Variants in SLITRK3 observed in about 807,000 individuals in gnomAD.
The protein encoded by SLITRK3 is SLIT and NTRK-like protein 3.
A neutral mutation model predicts 63.6 loss-of-function variants in SLITRK3; 16 were observed. The ratio of observed to expected loss-of-function variants is 0.25; its 90% CI spans 0.17 to 0.38. The LOEUF (loss-of-function observed/expected upper bound fraction) is 0.38. SLITRK3 is among the 10% of genes least tolerant of loss of function. The pLI, the probability that SLITRK3 is intolerant of heterozygous loss-of-function variation, is 1.00. For missense variants in SLITRK3, 1,117 were observed against 1,181.4 expected (o/e 0.95, Z 0.80); for synonymous variants, 547 against 451.6 (o/e 1.21, Z -2.68).
rs1339851449 is a variant in SLITRK3 at position 165,190,200 on chromosome 3, G to T, written c.631C>A (p.Leu211Ile). The T allele has an allele frequency of 6.2e-7, 1 of 1,614,036 alleles. No homozygotes were observed. Among genetic ancestry groups the T allele is most frequent in the African/African-American group, 1.3e-5 (1 of 74,902 alleles). Reference sequence around the variant, plus strand: ...TGATCTAGCATTCCTCGGTAAAAAAGAACCTTTAACCTATTTCCACGTAGG... The same window carrying T: ...TGATCTAGCATTCCTCGGTAAAAAATAACCTTTAACCTATTTCCACGTAGG... ...LDLRGNRLKV[L>I]FYRGMLDHIG... Residue 211 changes from leucine to isoleucine, a missense_variant, in exon 2 of 2, where the codon CTT (leucine) becomes ATT (isoleucine). Leu to Ile is a conservative substitution (Grantham distance 5, BLOSUM62 2). Transcript: ENST00000475390.
At chr3:165,193,881 T>C (rs1235766912) in intron 1 of SLITRK3, among the ~76,000 whole-genome samples, 1 of 151,372 alleles carries the variant, frequency 6.6e-6, no homozygotes, top group African/African-American at 2.4e-5. Context: ...TCCTAGGGAG[T>C]AGTGGGAGTG....
chr3:165,190,801 G>C lies in SLITRK3; in HGVS notation c.30C>G (p.His10Gln), dbSNP rs373474881. ...GAATTATCCACAACATCCTTCCTCTGTGAAGCATCTCAGCTATGGAAGGTT... is the reference window on the plus strand; with the variant it reads ...GAATTATCCACAACATCCTTCCTCTCTGAAGCATCTCAGCTATGGAAGGTT... MKPSIAEML[H>Q]RGRMLWIILL... Residue 10 changes from histidine (H) to glutamine (Q), a missense_variant, in exon 2 of 2, where the codon CAC (histidine) becomes CAG (glutamine). Transcript: ENST00000475390. 1 of 1,602,650 alleles carries C rather than the reference G, an allele frequency of 6.2e-7. No homozygotes were observed. Among genetic ancestry groups the C allele is most frequent in the South Asian group, 1.1e-5 (1 of 89,720 alleles).
In SLITRK3 at chr3:165,188,963, G is replaced by A. The variant is rs564636566; in HGVS notation, c.1868C>T (p.Ser623Phe). The change falls in exon 2 of 2, where the codon TCC (serine) becomes TTC (phenylalanine). Residue 623 changes from serine to phenylalanine, a missense_variant. By Grantham distance (155) the Ser-to-Phe change is radical. Coordinates refer to ENST00000475390, the MANE Select transcript of SLITRK3 (RefSeq NM_001318810.2). ...GTGAGAATCTCCAGGCTGGGCTGGG[G>A]ATTCTCCAGCTGGTGCAACGTGCAG... ...EMLHVAPAGESPAQPGDSHLI... is the reference protein window; with the variant it reads ...EMLHVAPAGEFPAQPGDSHLI... 3.1e-6 allele frequency: 5 copies of A among 1,614,148 alleles called. No homozygotes were observed. The African/African-American group carries it at 6.7e-5, about 22-fold the overall frequency.
Position 165,190,056 on chromosome 3 carries a change from T to C in SLITRK3, c.775A>G (p.Ile259Val), listed in dbSNP as rs772020986. 1.2e-6 allele frequency: 2 copies of C among 1,613,980 alleles called. No homozygotes were observed. Among genetic ancestry groups the C allele is most frequent in the Non-Finnish European group, 1.7e-6 (2 of 1,180,022 alleles). Residue 259 changes from isoleucine to valine, a missense_variant, in exon 2 of 2, where the codon ATT becomes GTT. Ile to Val is a conservative substitution (Grantham distance 29). Around this residue, in one of 4 missense-constraint regions of SLITRK3, gnomAD observed 452 missense variants for 495.3 expected, o/e 0.91. Transcript: ENST00000475390. ...AAGTGGAAAGGGGTCTCACAGGTAA[T>C]GTCTCCCACCAGGGCAGTATAAGGA... is the stretch of plus-strand genomic sequence containing the variant. ...RIPYTALVGD[I>V]TCETPFHFHG... is the part of the protein sequence containing the mutation.
In SLITRK3 at chr3:165,187,722, G is replaced by A. The variant is rs965997915; in HGVS notation, c.*175C>T. Reference sequence around the variant, plus strand: ...CCTTCCTCCAAATCGCATCTGAGAGGGGAGAGCATACATCTGTATTCTCTA... The same window carrying A: ...CCTTCCTCCAAATCGCATCTGAGAGAGGAGAGCATACATCTGTATTCTCTA... On this transcript the variant is annotated 3_prime_UTR_variant, in exon 2 of 2. Coordinates refer to ENST00000475390, the MANE Select transcript of SLITRK3 (RefSeq NM_001318810.2). The A allele has an allele frequency of 5.8e-6, 3 of 518,594 alleles. No individual in the cohort carries two copies. The highest frequency in any genetic ancestry group is 6.6e-5 in the Admixed American group (2 of 30,166). 32.1% of individuals were successfully genotyped at this position (518,594 alleles called of 1,614,324 possible). A position where few individuals can be genotyped will look rare whatever the true frequency, so the allele number is the denominator to read the frequency against.
rs1718022328 is a variant in SLITRK3, at chr3:165,188,026, A to G, written c.2805T>C (p.Leu935=). ...LQQDARLKET[L]LFSAGKGFTD... ...TGAAGCCCTTTCCAGCCGAGAAGAG[A>G]AGGGTTTCTTTGAGCCTGGCATCCT... The change falls in exon 2 of 2, where the codon CTT becomes CTC. Residue 935 remains leucine (L), a synonymous_variant. Transcript: ENST00000475390. 6.2e-7 allele frequency: 1 copy of G among 1,613,552 alleles called. No individual in the cohort carries two copies. The highest frequency in any genetic ancestry group is 1.1e-5 in the South Asian group (1 of 91,024).
At chr3:165,191,396 A>T (rs1718220357) in intron 1 of SLITRK3, among the ~76,000 whole-genome samples, 1 of 152,252 alleles carries the variant, frequency 6.6e-6, no homozygotes, top group Non-Finnish European at 1.5e-5. Context: ...GCTCAATATC[A>T]GATGTTGAGA....
Position 165,188,319 on chromosome 3 carries a change from G to A in SLITRK3, c.2512C>T (p.Pro838Ser). ...NTIVTVNHHH[P>S]HHPAVGGVSG... ...ACCCCACCAACTGCTGGGTGGTGAG[G>A]GTGATGGTGATTCACCGTCACTATG... is the stretch of plus-strand genomic sequence containing the variant. Residue 838 changes from proline (P) to serine (S), a missense_variant, in exon 2 of 2, where the codon CCT (proline) becomes TCT (serine). Pro to Ser is a moderately conservative substitution (Grantham distance 74). Around this residue, in one of 4 missense-constraint regions of SLITRK3, gnomAD observed 499 missense variants for 463.6 expected, o/e 1.08. Transcript: ENST00000475390. 6.2e-7 allele frequency: 1 copy of A among 1,613,980 alleles called. No homozygotes were observed. The highest frequency in any genetic ancestry group is 2.2e-5 in the East Asian group (1 of 44,846).
At position 165,187,252 on chromosome 3, in the gene SLITRK3, G is replaced by GTGTGTT. The variant is rs756982536; in HGVS notation, c.*644_*645insAACACA. 2 of 148,098 alleles carry GTGTGTT rather than the reference G, an allele frequency of 1.4e-5. No individual in the cohort carries two copies. The highest frequency in any genetic ancestry group is 2.6e-5 in the African/African-American group (1 of 38,886). The allele number at this position is 148,098 out of a possible 1,614,324, so 9.2% of individuals were successfully genotyped here. On this transcript the variant is annotated 3_prime_UTR_variant, in exon 2 of 2. Transcript: ENST00000475390. ...TGTGTGTGTGTGTGTGTGTGTGTGT[G>GTGTGTT]TACCTGCACCAGCAGGAAGAAACTG...
At position 165,188,847 on chromosome 3, in the gene SLITRK3, C is replaced by A. The variant is rs1178396440; in HGVS notation, c.1984G>T (p.Val662Phe). The A allele has an allele frequency of 1.2e-6, 2 of 1,614,156 alleles. No individual in the cohort carries two copies. Among genetic ancestry groups the A allele is most frequent in the South Asian group, 1.1e-5 (1 of 91,078 alleles). ...PLSVLILSLL[V>F]LFFSAVFVAA... ...ACAAAGACTGCTGAGAAAAACAGAA[C>A]CAGCAGGCTGAGAATTAACACAGAA... Residue 662 changes from valine to phenylalanine, a missense_variant, in exon 2 of 2, where the codon GTT (valine) becomes TTT (phenylalanine). Coordinates refer to ENST00000475390, the MANE Select transcript of SLITRK3 (RefSeq NM_001318810.2).
chr3:165,194,990 C>A (rs1718368435), intron 1 of SLITRK3, among the ~76,000 whole-genome samples: 1 of 152,130 alleles, frequency 6.6e-6, no homozygotes, highest in South Asian at 2.1e-4. Flanking sequence ...AGAGGGAGGA[C>A]AAGAAGCCCT....
intron 1 of SLITRK3, among the ~76,000 whole-genome samples, chr3:165,193,106 AGTGTGTGTGTGTGTGTGT>A (rs35240347): frequency 1.0e-4 from 15 of 143,430 alleles, no homozygotes; most frequent in African/African-American, 3.6e-4. Flanking sequence ...CAGTTGAGTG[AGTGTGTGTGTGTGTGTGT>A]GTGTGTGTGT....
chr3:165,188,708 A>T lies in SLITRK3; in HGVS notation c.2123T>A (p.Leu708Gln). The part of the protein sequence containing the change: ...LTGIQMQCHR[L>Q]FEDGGGGGGG... ...ACCACCACCTCCACCATCCTCAAACAGCCTGTGGCATTGCATTTGGATGCC... is the reference window on the plus strand; with the variant it reads ...ACCACCACCTCCACCATCCTCAAACTGCCTGTGGCATTGCATTTGGATGCC... Residue 708 changes from leucine to glutamine, a missense_variant, in exon 2 of 2, where the codon CTG (leucine) becomes CAG (glutamine). Around this residue, in one of 4 missense-constraint regions of SLITRK3, gnomAD observed 499 missense variants for 463.6 expected, o/e 1.08. Coordinates refer to ENST00000475390, the MANE Select transcript of SLITRK3 (RefSeq NM_001318810.2). The T allele has an allele frequency of 1.2e-6, 2 of 1,614,032 alleles. No homozygotes were observed. The highest frequency in any genetic ancestry group is 2.2e-5 in the South Asian group (2 of 91,076).
Position 165,189,909 on chromosome 3 carries a change from T to C in SLITRK3, c.922A>G (p.Thr308Ala), listed in dbSNP as rs1192087440. The C allele has an allele frequency of 6.2e-7, 1 of 1,614,148 alleles. No individual in the cohort carries two copies. Among genetic ancestry groups the C allele is most frequent in the Non-Finnish European group, 8.5e-7 (1 of 1,180,030 alleles). ...GAGGATAGCATTGAGGAAGGCTTAGTTGGCCATGCATTCTCCTTACTTGAT... is the reference window on the plus strand; with the variant it reads ...GAGGATAGCATTGAGGAAGGCTTAGCTGGCCATGCATTCTCCTTACTTGAT... ...SSSSKENAWPTKPSSMLSSVH... is the reference protein window; with the variant it reads ...SSSSKENAWPAKPSSMLSSVH... Residue 308 changes from threonine to alanine, a missense_variant, in exon 2 of 2, where the codon ACT becomes GCT. Physicochemically the swap from Thr to Ala is moderately conservative, Grantham distance 58. This residue lies in a region of SLITRK3 where 452 missense variants were observed against 495.3 expected (regional missense o/e 0.91). Coordinates refer to ENST00000475390, the MANE Select transcript of SLITRK3 (RefSeq NM_001318810.2). The surrounding 1 kb of genome is among the most constrained non-coding windows in gnomAD (Gnocchi z 4.0).
At chr3:165,194,629 C>A (rs866973131) in intron 1 of SLITRK3, among the ~76,000 whole-genome samples, 1 of 152,104 alleles carries the variant, frequency 6.6e-6, no homozygotes, top group Non-Finnish European at 1.5e-5. Flanking sequence ...CCCCCCCATC[C>A]CCCGCCCAGC....
chr3:165,189,275 A>G lies in SLITRK3; in HGVS notation c.1556T>C (p.Leu519Pro). ...TGTGCCAGCAAAGGCGTCTGTTGGC[A>G]GAGTCCTCAGTAAGTTATTATTGAG... ...LFLNNNLLRT[L>P]PTDAFAGTSL... Residue 519 changes from leucine (L) to proline (P), a missense_variant, in exon 2 of 2, where the codon CTG becomes CCG. Leu to Pro is a moderately conservative substitution (Grantham distance 98). Coordinates refer to ENST00000475390, the MANE Select transcript of SLITRK3 (RefSeq NM_001318810.2). This position sits in a 1 kb window ranked among gnomAD's most constrained non-coding sequence, Gnocchi z 4.0. The G allele has an allele frequency of 6.2e-7, 1 of 1,614,210 alleles. No individual in the cohort carries two copies. The highest frequency in any genetic ancestry group is 8.5e-7 in the Non-Finnish European group (1 of 1,180,036).
chr3:165,187,037 T>G lies in SLITRK3; in HGVS notation c.*860A>C, dbSNP rs1415855491. ...TCCCTAGGCGTGTGTCTTCGGCTGTTAAACCACCAGGCCTCTACTTCAGTA... is the reference window on the plus strand; with the variant it reads ...TCCCTAGGCGTGTGTCTTCGGCTGTGAAACCACCAGGCCTCTACTTCAGTA... On this transcript the variant is annotated 3_prime_UTR_variant, in exon 2 of 2. Transcript: ENST00000475390. 6.6e-6 allele frequency: 1 copy of G among 152,524 alleles called. No individual in the cohort carries two copies. Among genetic ancestry groups the G allele is most frequent in the Non-Finnish European group, 1.5e-5 (1 of 68,038 alleles). 9.4% of individuals were successfully genotyped at this position (152,524 alleles called of 1,614,324 possible). A position where few individuals can be genotyped will look rare whatever the true frequency, so the allele number is the denominator to read the frequency against.
Position 165,189,304 on chromosome 3 carries a change from T to C in SLITRK3, c.1527A>G (p.Leu509=), listed in dbSNP as rs770923775. Residue 509 remains leucine (L), a synonymous_variant, in exon 2 of 2, where the codon CTA becomes CTG. Coordinates refer to ENST00000475390, the MANE Select transcript of SLITRK3 (RefSeq NM_001318810.2). This position sits in a 1 kb window ranked among gnomAD's most constrained non-coding sequence, Gnocchi z 4.0. ...TCCTCAGTAAGTTATTATTGAGGAATAGCAGCTTCAAGTTGGGCATGAGGC... is the reference window on the plus strand; with the variant it reads ...TCCTCAGTAAGTTATTATTGAGGAACAGCAGCTTCAAGTTGGGCATGAGGC... ...AFSLMPNLKL[L]FLNNNLLRTL... The C allele has an allele frequency of 3.7e-5, 60 of 1,614,074 alleles. No individual in the cohort carries two copies. Among genetic ancestry groups the C allele is most frequent in the South Asian group, 4.4e-5 (4 of 91,088 alleles).
At position 165,188,605 on chromosome 3, in the gene SLITRK3, G is replaced by A. The variant is rs1718055237; in HGVS notation, c.2226C>T (p.Tyr742=). 6.2e-7 allele frequency: 1 copy of A among 1,613,866 alleles called. No individual in the cohort carries two copies. Among genetic ancestry groups the A allele is most frequent in the Admixed American group, 1.7e-5 (1 of 59,972 alleles). ...ACATTTGGGTAACCGGGTGGGGGAT[G>A]TACTCATACACATGACCCACGGGAG... ...KAPPVGHVYE[Y]IPHPVTQMCN... Residue 742 remains tyrosine, a synonymous_variant, in exon 2 of 2, where the codon TAC becomes TAT. Coordinates refer to ENST00000475390, the MANE Select transcript of SLITRK3 (RefSeq NM_001318810.2).
Sources: allele counts gnomAD v4.1 joint callset (sites outside exome capture counted in the v4.1 genomes callset), GRCh38; gene constraint gnomAD v4.1.1; regional missense constraint gnomAD v4.1.1; non-coding constraint Gnocchi (gnomAD v3.1); transcripts MANE v1.5; gene names NCBI Gene and HGNC (gene_info 2026-07-23, HGNC 2026-07-21).